The following FRY variants were observed in gnomAD, a reference collection of about 807,000 sequenced individuals.
The protein encoded by FRY is FRY microtubule binding protein.
Under a neutral mutation model 348.4 loss-of-function variants are expected in FRY, and 128 were observed. That is an observed-to-expected ratio of 0.37 (90% CI 0.32 to 0.43). The LOEUF is 0.43. FRY is among the 20% of genes least tolerant of loss of function. FRY has a pLI of 1.00. For synonymous variants in FRY, 1,370 were observed against 1,374.7 expected, an observed-to-expected ratio of 1.00 and a Z score of 0.08; for missense variants, 2,736 against 3,695.2, an observed-to-expected ratio of 0.74 and a Z score of 6.73.
At chr13:32,246,133 C>G (rs1490245299) in intron 47 of FRY, among the ~76,000 whole-genome samples, 2 of 152,186 alleles carry the variant, frequency 1.3e-5, no homozygotes, top group East Asian at 3.9e-4. Context: ...ATGAGGCTGT[C>G]CATTTTGTCT....
At chr13:32,048,675 A>G (rs535129774) in intron 1 of FRY, among the ~76,000 whole-genome samples, 2 of 152,338 alleles carry the variant, frequency 1.3e-5, no homozygotes, top group African/African-American at 4.8e-5. Context: ...ACCATGCTCA[A>G]TGAAGTCTGC....
intron 55 of FRY, among the ~76,000 whole-genome samples, chr13:32,268,496 AAAAAAAAAAATATATATATATAT>A (rs1287900515): frequency 0.016 from 307 of 19,610 alleles, 9 homozygotes; most frequent in African/African-American, 0.031. Context: ...TAAAAAAAAA[AAAAAAAAAAATATATATATATAT>A]ATATATATAT....
At chr13:32,265,750 G>A (rs941684849) in intron 54 of FRY, 134 bp downstream of exon 54, 39 of 886,198 alleles carry the variant, frequency 4.4e-5, no homozygotes, top group Non-Finnish European at 6.2e-5. Context: ...CATATATCAT[G>A]GCAGGCTCTC....
chr13:32,291,838 G>A (rs1889382921), intron 59 of FRY, among the ~76,000 whole-genome samples: 1 of 152,208 alleles, frequency 6.6e-6, no homozygotes, highest in South Asian at 2.1e-4. Context: ...GGAAGTAACT[G>A]CAGATGTGGT....
rs868096998 is a variant in FRY at position 32,078,981 on chromosome 13, A to G, written c.218A>G (p.Asn73Ser). The change falls in exon 2 of 61, where the codon AAC (asparagine) becomes AGC (serine). Residue 73 changes from asparagine (N) to serine (S), a missense_variant. By Grantham distance (46) the Asn-to-Ser change is conservative (BLOSUM62 1). Around this residue, in one of 9 missense-constraint regions of FRY, gnomAD observed 309 missense variants for 418.1 expected, o/e 0.74. Transcript: ENST00000542859. ...TATGTCCTCAAAAGTTTATTTGTCA[A>G]CTTCACCACTCAGGCTGAACGCAAG... is the stretch of plus-strand genomic sequence containing the variant. ...GEYVLKSLFVNFTTQAERKIR... is the reference protein window; with the variant it reads ...GEYVLKSLFVSFTTQAERKIR... 6.2e-7 allele frequency: 1 copy of G among 1,614,080 alleles called. No individual in the cohort carries two copies. The highest frequency in any genetic ancestry group is 1.3e-5 in the African/African-American group (1 of 75,044).
At chr13:32,165,944 T>A (rs1881710020) in intron 17 of FRY, among the ~76,000 whole-genome samples, 2 of 152,220 alleles carry the variant, frequency 1.3e-5, no homozygotes. Flanking sequence ...GCCCTTGTGA[T>A]CACACCACTC....
chr13:32,117,456 A>T lies in FRY; in HGVS notation c.447A>T (p.Thr149=). The T allele has an allele frequency of 6.2e-7, 1 of 1,613,816 alleles. No homozygotes were observed. Among genetic ancestry groups the T allele is most frequent in the Non-Finnish European group, 8.5e-7 (1 of 1,179,700 alleles). ...AATCACATGAATACAGACCAAGAAC[A>T]AGCAATAAATCAAAAAGGTACATTT... ...EDESHEYRPR[T]SNKSKSDEQQ... is the part of the protein sequence containing the mutation. The change falls in exon 4 of 61, where the codon ACA becomes ACT. Residue 149 remains threonine (T), a synonymous_variant. Transcript: ENST00000542859.
At chr13:32,136,484 A>G (rs1325772626) in intron 10 of FRY, among the ~76,000 whole-genome samples, 1 of 152,242 alleles carries the variant, frequency 6.6e-6, no homozygotes, top group Non-Finnish European at 1.5e-5. Flanking sequence ...CAAAAAAGCC[A>G]ATAACATTTT....
intron 1 of FRY, among the ~76,000 whole-genome samples, chr13:32,071,269 G>T (rs1341412428): frequency 2.0e-5 from 3 of 152,162 alleles, no homozygotes; most frequent in Non-Finnish European, 4.4e-5. Context: ...GTAGCTTGAT[G>T]GGGATGGCAT....
intron 51 of FRY, chr13:32,261,385 A>G (rs904036716): frequency 1.4e-6 from 1 of 710,028 alleles, no homozygotes; most frequent in Non-Finnish European, 2.6e-6. Flanking sequence ...CACCATGCCA[A>G]AGAAAAGTAT....
intron 18 of FRY, among the ~76,000 whole-genome samples, chr13:32,173,124 T>A (rs1263769533): frequency 6.6e-6 from 1 of 152,210 alleles, no homozygotes; most frequent in African/African-American, 2.4e-5. Context: ...TGAAGAGTTA[T>A]TTTTCATCAG....
chr13:32,184,531 C>A, intron 24 of FRY, 69 bp from the exon 25 acceptor site: 1 of 937,858 alleles, frequency 1.1e-6, no homozygotes, highest in East Asian at 2.5e-5. Context: ...TTTGTTAATA[C>A]CATTTTCTAA....
chr13:32,047,110 T>C (rs1873061984), intron 1 of FRY, among the ~76,000 whole-genome samples: 1 of 152,246 alleles, frequency 6.6e-6, no homozygotes, highest in African/African-American at 2.4e-5. Context: ...AATATGTTTA[T>C]CTATATATAC....
chr13:32,044,031 T>G (rs1872885856), intron 1 of FRY, among the ~76,000 whole-genome samples: 1 of 151,998 alleles, frequency 6.6e-6, no homozygotes, highest in African/African-American at 2.4e-5. Flanking sequence ...CCCATCTCTT[T>G]TGTTTTTAAA....
intron 1 of FRY, among the ~76,000 whole-genome samples, chr13:32,066,670 C>T (rs1213207558): frequency 6.6e-6 from 1 of 152,132 alleles, no homozygotes; most frequent in African/African-American, 2.4e-5. Flanking sequence ...ATGGTAGGTG[C>T]AGTCATCTTT....
chr13:32,169,839 A>G (rs1043516414), intron 17 of FRY, among the ~76,000 whole-genome samples: 1 of 152,214 alleles, frequency 6.6e-6, no homozygotes, highest in Admixed American at 6.5e-5. Flanking sequence ...GCAGTAATCC[A>G]TCCTACCAAT....
rs1034107039 is a variant in FRY, at chr13:32,211,144, G to C, written c.4591+110G>C. On this transcript the variant is annotated intron_variant, in intron 34 of 60. Transcript: ENST00000542859. ...TTTGTTACTTTTTTCTTATTCCTGT[G>C]TGTGCATTCAGTTAAGAGATGGCTT... The C allele has an allele frequency of 7.8e-6, 8 of 1,027,838 alleles. No homozygotes were observed. The African/African-American group carries it at 9.5e-5, about 12-fold the overall frequency. 63.7% of individuals were successfully genotyped at this position (1,027,838 alleles called of 1,614,324 possible). A position where few individuals can be genotyped will look rare whatever the true frequency, so the allele number is the denominator to read the frequency against.
At chr13:32,202,558 T>C (rs1884094073) in intron 31 of FRY, 31 bp downstream of exon 31, 1 of 1,501,032 alleles carries the variant, frequency 6.7e-7, no homozygotes, top group Non-Finnish European at 9.3e-7. Flanking sequence ...ATGACATATG[T>C]GATCATTTCT....
chr13:32,271,090 C>G (rs555975633), intron 55 of FRY, among the ~76,000 whole-genome samples: 2 of 152,336 alleles, frequency 1.3e-5, no homozygotes, highest in South Asian at 2.1e-4. Flanking sequence ...GAGGCTCTTT[C>G]TCCACCCTCT....
Sources: allele counts gnomAD v4.1 joint callset (sites outside exome capture counted in the v4.1 genomes callset), GRCh38; gene constraint gnomAD v4.1.1; regional missense constraint gnomAD v4.1.1; transcripts MANE v1.5; gene names NCBI Gene and HGNC (gene_info 2026-07-23, HGNC 2026-07-21).